The following C8orf34 variants were observed in gnomAD, a reference collection of about 807,000 sequenced individuals.
The protein encoded by C8orf34 is uncharacterized protein C8orf34.
In C8orf34, 65 loss-of-function variants were observed where a neutral mutation model predicts 68.3. The ratio of observed to expected loss-of-function variants is 0.95; its 90% CI spans 0.78 to 1.17. The LOEUF is 1.17. C8orf34 is among the 50% of genes most tolerant of loss of function. The pLI is 0.00. For missense variants in C8orf34, 664 were observed against 655.4 expected, an observed-to-expected ratio of 1.01 and a Z score of -0.14; for synonymous variants, 244 against 241.2, an observed-to-expected ratio of 1.01 and a Z score of -0.11.
chr8:68,796,675 G>A (rs1006127084), intron 12 of C8orf34, among the ~76,000 whole-genome samples: 9 of 152,086 alleles, frequency 5.9e-5, no homozygotes, highest in African/African-American at 1.7e-4. Flanking sequence ...TTAAAATGGG[G>A]GAAATGTTGT....
At chr8:68,485,875 T>C (rs908770917) in intron 4 of C8orf34, among the ~76,000 whole-genome samples, 3 of 151,902 alleles carry the variant, frequency 2.0e-5, no homozygotes, top group African/African-American at 7.2e-5. Flanking sequence ...TTTCATATTA[T>C]CTATGCTCTC....
intron 4 of C8orf34, among the ~76,000 whole-genome samples, chr8:68,484,937 G>A (rs1272165915): frequency 6.6e-6 from 1 of 152,198 alleles, no homozygotes; most frequent in Non-Finnish European, 1.5e-5. Context: ...AAGAAAATAT[G>A]ATAATAAGTA....
At chr8:68,672,908 G>A (rs189944442) in intron 8 of C8orf34, among the ~76,000 whole-genome samples, 15 of 152,290 alleles carry the variant, frequency 9.8e-5, no homozygotes, top group African/African-American at 3.4e-4. Context: ...AGAATAATTT[G>A]TCTTGTATCT....
intron 1 of C8orf34, among the ~76,000 whole-genome samples, chr8:68,368,047 C>G (rs747263657): frequency 5.7e-4 from 85 of 149,622 alleles, no homozygotes; most frequent in Non-Finnish European, 1.0e-3. Flanking sequence ...AGTTTACTTT[C>G]TTCTGTATTT....
intron 12 of C8orf34, among the ~76,000 whole-genome samples, chr8:68,809,655 A>G (rs1194927780): frequency 6.6e-6 from 1 of 152,190 alleles, no homozygotes; most frequent in Non-Finnish European, 1.5e-5. Context: ...TCATACTCCT[A>G]AATGGGGGAC....
At chr8:68,570,534 G>C (rs964129337) in intron 7 of C8orf34, among the ~76,000 whole-genome samples, 2 of 152,178 alleles carry the variant, frequency 1.3e-5, no homozygotes, top group Non-Finnish European at 2.9e-5. Flanking sequence ...TATCATAATA[G>C]TTGCAGTTCC....
chr8:68,403,751 T>C (rs1238977741), intron 1 of C8orf34, among the ~76,000 whole-genome samples: 1 of 152,220 alleles, frequency 6.6e-6, no homozygotes, highest in East Asian at 1.9e-4. Flanking sequence ...CCATGGTGTA[T>C]ATGTGCCACA....
chr8:68,414,932 CT>C (rs1188120588), intron 1 of C8orf34, among the ~76,000 whole-genome samples: 1 of 152,168 alleles, frequency 6.6e-6, no homozygotes, highest in Non-Finnish European at 1.5e-5. Flanking sequence ...CATGGCATCA[CT>C]GCCTGAGTTA....
At chr8:68,682,483 C>T (rs1820398808) in intron 8 of C8orf34, among the ~76,000 whole-genome samples, 1 of 152,126 alleles carries the variant, frequency 6.6e-6, no homozygotes, top group Non-Finnish European at 1.5e-5. Context: ...GACTCCCTTA[C>T]ATTTCTTTAT....
intron 7 of C8orf34, among the ~76,000 whole-genome samples, chr8:68,545,603 A>G (rs372955318): frequency 3.9e-5 from 6 of 152,136 alleles, no homozygotes; most frequent in African/African-American, 1.4e-4. Flanking sequence ...GAAGTGCTCA[A>G]AAAAATGCCT....
chr8:68,749,319 A>G (rs1479329269), intron 10 of C8orf34, among the ~76,000 whole-genome samples: 4 of 152,168 alleles, frequency 2.6e-5, no homozygotes, highest in African/African-American at 9.7e-5. Context: ...GTGCACCAGC[A>G]TGGCACATGT....
At chr8:68,386,883 C>G (rs533112009) in intron 1 of C8orf34, among the ~76,000 whole-genome samples, 5 of 152,180 alleles carry the variant, frequency 3.3e-5, no homozygotes, top group African/African-American at 1.2e-4. Flanking sequence ...AGCCCTCCCC[C>G]AGCCGTGACA....
chr8:68,487,479 C>G (rs1813127529), intron 4 of C8orf34, among the ~76,000 whole-genome samples: 1 of 151,976 alleles, frequency 6.6e-6, no homozygotes. Flanking sequence ...GGGGAAGGAA[C>G]TTGTGATGAA....
intron 4 of C8orf34, among the ~76,000 whole-genome samples, chr8:68,476,868 T>C (rs926414503): frequency 6.6e-6 from 1 of 152,222 alleles, no homozygotes; most frequent in Admixed American, 6.5e-5. Context: ...GAAACTGGCT[T>C]AAAGTCTGCA....
intron 8 of C8orf34, among the ~76,000 whole-genome samples, chr8:68,652,827 T>C (rs1339789211): frequency 6.6e-6 from 1 of 152,200 alleles, no homozygotes. Context: ...AGCAAAAATG[T>C]ACAGTAGAGA....
intron 12 of C8orf34, among the ~76,000 whole-genome samples, chr8:68,802,769 A>G (rs899279827): frequency 6.6e-6 from 1 of 152,178 alleles, no homozygotes; most frequent in African/African-American, 2.4e-5. Context: ...GGGCCTGCCA[A>G]AGTTTTCGGG....
intron 12 of C8orf34, among the ~76,000 whole-genome samples, chr8:68,815,502 T>C (rs796550811): frequency 1.9e-4 from 29 of 152,320 alleles, no homozygotes; most frequent in African/African-American, 6.7e-4. Context: ...GAATAAGCTG[T>C]GTTAGGGGAG....
chr8:68,590,897 A>G (rs1249058930), intron 7 of C8orf34, among the ~76,000 whole-genome samples: 2 of 152,144 alleles, frequency 1.3e-5, no homozygotes, highest in Non-Finnish European at 2.9e-5. Flanking sequence ...AAAGACCCAG[A>G]GTTAGGAGAA....
intron 7 of C8orf34, among the ~76,000 whole-genome samples, chr8:68,546,066 A>G (rs1815867109): frequency 6.6e-6 from 1 of 152,086 alleles, no homozygotes; most frequent in Non-Finnish European, 1.5e-5. Flanking sequence ...CAGTCACTTA[A>G]AAATGTTAAA....
Sources: allele counts gnomAD v4.1 joint callset (sites outside exome capture counted in the v4.1 genomes callset), GRCh38; gene constraint gnomAD v4.1.1; transcripts MANE v1.5; gene names NCBI Gene and HGNC (gene_info 2026-07-23, HGNC 2026-07-21).